LRP6: variants seen among roughly 807,000 people sequenced by gnomAD.
LRP6 encodes the protein LDL receptor related protein 6.
In LRP6, 43 loss-of-function variants were observed where a neutral mutation model predicts 184.1. That is an observed-to-expected ratio of 0.23 (90% CI 0.18 to 0.30). LRP6 has a LOEUF of 0.30. LRP6 is among the 10% of genes least tolerant of loss of function. LRP6 has a pLI of 1.00. For missense variants in LRP6, 1,571 were observed against 2,005.3 expected (o/e 0.78, Z 4.14); for synonymous variants, 719 against 684.9 (o/e 1.05, Z -0.78).
chr12:12,235,126 C>T (rs535033827), intron 2 of LRP6, among the ~76,000 whole-genome samples: 1 of 152,200 alleles, frequency 6.6e-6, no homozygotes, highest in South Asian at 2.1e-4. Flanking sequence ...AAAGTAAATT[C>T]GTTTCTCACA....
At chr12:12,219,476 T>C (rs1203235090) in intron 2 of LRP6, among the ~76,000 whole-genome samples, 1 of 152,212 alleles carries the variant, frequency 6.6e-6, no homozygotes, top group Non-Finnish European at 1.5e-5. Flanking sequence ...GTGCTGGGAT[T>C]ACAGGCGTGA....
At chr12:12,246,608 G>T (rs920367954) in intron 1 of LRP6, among the ~76,000 whole-genome samples, 2 of 151,634 alleles carry the variant, frequency 1.3e-5, no homozygotes, top group African/African-American at 4.9e-5. Flanking sequence ...AAAATGGGAG[G>T]GTCACTTGAG....
intron 2 of LRP6, among the ~76,000 whole-genome samples, chr12:12,231,105 T>G (rs1200085502): frequency 8.1e-6 from 1 of 123,624 alleles, no homozygotes; most frequent in African/African-American, 3.0e-5. Flanking sequence ...GGCTTGAACC[T>G]GGGTGGCGGA....
In LRP6 at chr12:12,121,335, G is replaced by A. The variant is rs750047730; in HGVS notation, c.4633C>T (p.Arg1545Trp). ...DVCDSDYAPS[R>W]RMTSVATAKG... is the part of the protein sequence containing the mutation. ...GCTGTTGCCACTGAGGTCATTCTCC[G>A]ACTAGGAGCATAGTCACTGTCACAA... The change falls in exon 23 of 23, where the codon CGG becomes TGG. Residue 1545 changes from arginine to tryptophan, a missense_variant. Coordinates refer to ENST00000261349, the MANE Select transcript of LRP6 (RefSeq NM_002336.3). 1.9e-5 allele frequency: 30 copies of A among 1,614,030 alleles called. No homozygotes were observed. Among genetic ancestry groups the A allele is most frequent in the African/African-American group, 4.0e-5 (3 of 74,926 alleles).
At chr12:12,143,655 T>C (rs1949963561) in intron 15 of LRP6, among the ~76,000 whole-genome samples, 1 of 152,124 alleles carries the variant, frequency 6.6e-6, no homozygotes, top group African/African-American at 2.4e-5. Flanking sequence ...CAGTAAATGA[T>C]GCTGAATCCA....
chr12:12,154,001 T>C (rs1453149557), intron 12 of LRP6, among the ~76,000 whole-genome samples: 2 of 152,234 alleles, frequency 1.3e-5, no homozygotes, highest in Non-Finnish European at 1.5e-5. Context: ...CAGTCCACAC[T>C]TCCTTAGCCA....
chr12:12,169,367 C>A (rs1862970191), intron 7 of LRP6, among the ~76,000 whole-genome samples: 1 of 152,048 alleles, frequency 6.6e-6, no homozygotes, highest in Non-Finnish European at 1.5e-5. Context: ...TTTTCAGAGC[C>A]CTTTGGATTT....
At chr12:12,136,600 G>A (rs540182203) in intron 16 of LRP6, among the ~76,000 whole-genome samples, 3 of 152,234 alleles carry the variant, frequency 2.0e-5, no homozygotes, top group Non-Finnish European at 2.9e-5. Flanking sequence ...GACATCTGTC[G>A]TCACAAAATA....
intron 3 of LRP6, among the ~76,000 whole-genome samples, chr12:12,190,668 CAGAT>C (rs1359628102): frequency 1.3e-5 from 2 of 152,312 alleles, no homozygotes; most frequent in African/African-American, 4.8e-5. Flanking sequence ...GACCTCCTCA[CAGAT>C]AGTCATCTTC....
intron 19 of LRP6, among the ~76,000 whole-genome samples, chr12:12,129,128 T>C (rs1949712939): frequency 6.6e-6 from 1 of 152,228 alleles, no homozygotes; most frequent in Admixed American, 6.5e-5. Context: ...GACACCTTTT[T>C]AAATGCATGA....
In LRP6 at chr12:12,194,521, T is replaced by G. The variant is rs1863703548; in HGVS notation, c.648-7402A>C. On this transcript the variant is annotated intron_variant, in intron 3 of 22. Coordinates refer to ENST00000261349, the MANE Select transcript of LRP6 (RefSeq NM_002336.3). ...TTATAGTTTTATTGCTTTTTGTAAG[T>G]GTGCATCCACAGAAAAATAGTTTAG... Among the ~76,000 whole-genome samples, 4 of 152,168 alleles carry G rather than the reference T, an allele frequency of 2.6e-5. No individual in the cohort carries two copies. The South Asian group carries it at 8.3e-4, about 31-fold the overall frequency.
intron 15 of LRP6, among the ~76,000 whole-genome samples, chr12:12,145,952 C>A (rs938500722): frequency 6.6e-6 from 1 of 151,938 alleles, no homozygotes; most frequent in Non-Finnish European, 1.5e-5. Flanking sequence ...CATTTCTTAA[C>A]GGTATATATA....
At chr12:12,168,956 C>T (rs938672406) in intron 7 of LRP6, among the ~76,000 whole-genome samples, 1 of 152,068 alleles carries the variant, frequency 6.6e-6, no homozygotes, top group Admixed American at 6.5e-5. Flanking sequence ...CGGCCAGGCG[C>T]AGTGGTTCAC....
At chr12:12,129,190 A>G (rs1463108155) in intron 19 of LRP6, among the ~76,000 whole-genome samples, 4 of 152,212 alleles carry the variant, frequency 2.6e-5, no homozygotes, top group African/African-American at 7.2e-5. Flanking sequence ...AAAGCAATCA[A>G]TCTAACAGAT....
rs762678582 is a variant in LRP6, at chr12:12,126,638, G to A, written c.4312+53C>T. ...AGTATTCTTTTCCACAATGGAAACTGGCAGTCTTGCAGGACCAAAGACTTG... is the reference window on the plus strand; with the variant it reads ...AGTATTCTTTTCCACAATGGAAACTAGCAGTCTTGCAGGACCAAAGACTTG... On this transcript the variant is annotated intron_variant, in intron 20 of 22. Coordinates refer to ENST00000261349, the MANE Select transcript of LRP6 (RefSeq NM_002336.3). 6.4e-5 allele frequency: 86 copies of A among 1,339,916 alleles called. 1 individual carries two copies. The highest frequency in any genetic ancestry group is 8.7e-5 in the Non-Finnish European group (81 of 930,770). 83.0% of individuals were successfully genotyped at this position (1,339,916 alleles called of 1,614,324 possible). A position where few individuals can be genotyped will look rare whatever the true frequency, so the allele number is the denominator to read the frequency against.
intron 1 of LRP6, among the ~76,000 whole-genome samples, chr12:12,256,034 C>T (rs1429320543): frequency 3.3e-5 from 5 of 152,262 alleles, no homozygotes; most frequent in South Asian, 4.1e-4. Flanking sequence ...AAGTCCTGCA[C>T]GTAAAATTAC....
At chr12:12,188,699 C>T (rs1025322799) in intron 3 of LRP6, among the ~76,000 whole-genome samples, 1 of 152,192 alleles carries the variant, frequency 6.6e-6, no homozygotes, top group Non-Finnish European at 1.5e-5. Flanking sequence ...AAGTAAAAAG[C>T]TCACTATTCC....
At chr12:12,249,996 A>G (rs1327168262) in intron 1 of LRP6, among the ~76,000 whole-genome samples, 3 of 151,994 alleles carry the variant, frequency 2.0e-5, no homozygotes, top group Admixed American at 1.3e-4. Flanking sequence ...GTTGACTCTT[A>G]TTTTACAAGC....
intron 18 of LRP6, 125 bp from the exon 19 acceptor site, chr12:12,131,018 A>G (rs372272553): frequency 1.5e-6 from 1 of 672,974 alleles, no homozygotes. Context: ...TATAACTTAA[A>G]TATTATTCTC....
Sources: allele counts gnomAD v4.1 joint callset (sites outside exome capture counted in the v4.1 genomes callset), GRCh38; gene constraint gnomAD v4.1.1; transcripts MANE v1.5; gene names NCBI Gene and HGNC (gene_info 2026-07-23, HGNC 2026-07-21).